Variants in KDELR2 observed in about 807,000 individuals in gnomAD.
KDELR2 encodes KDEL endoplasmic reticulum protein retention receptor 2, also known as ER lumen protein-retaining receptor 2.
Under a neutral mutation model 23.9 loss-of-function variants are expected in KDELR2, and 15 were observed. The observed-to-expected ratio is 0.63, with a 90% CI of 0.42 to 0.97. The LOEUF is 0.97. Among genes scored for constraint, KDELR2 ranks in the 50% least tolerant of loss-of-function variants. KDELR2 has a pLI of 0.00. For missense variants in KDELR2, 272 were observed against 254.6 expected (o/e 1.07, Z -0.46); for synonymous variants, 119 against 106.2 (o/e 1.12, Z -0.74).
chr7:6,471,970 G>A (rs763086875), intron 2 of KDELR2, among the ~76,000 whole-genome samples: 5 of 151,326 alleles, frequency 3.3e-5, no homozygotes, highest in African/African-American at 7.3e-5. Flanking sequence ...GAGCAATCTC[G>A]GCTCACTGCA....
At chr7:6,463,587 A>T (rs531446734) in intron 4 of KDELR2, among the ~76,000 whole-genome samples, 3 of 151,976 alleles carry the variant, frequency 2.0e-5, no homozygotes, top group Admixed American at 2.0e-4. Flanking sequence ...AAAAAATTTT[A>T]AAAAGAACCA....
In KDELR2 at chr7:6,462,377, C is replaced by G. The variant is rs183372691; in HGVS notation, c.*764G>C. 2 of 152,852 alleles carry G rather than the reference C, an allele frequency of 1.3e-5. No homozygotes were observed. Among genetic ancestry groups the G allele is most frequent in the South Asian group, 2.1e-4 (1 of 4,838 alleles). The allele number at this position is 152,852 out of a possible 1,614,324, so 9.5% of individuals were successfully genotyped here. ...TCATGAACACCCCTCCCATCCCACA[C>G]TCAGATGGAAAGCAGCCAGAACCCC... On this transcript the variant is annotated 3_prime_UTR_variant, in exon 5 of 5. Coordinates refer to ENST00000258739, the MANE Select transcript of KDELR2 (RefSeq NM_006854.4).
chr7:6,476,040 G>T (rs949075790), intron 1 of KDELR2, among the ~76,000 whole-genome samples: 4 of 152,094 alleles, frequency 2.6e-5, no homozygotes, highest in Non-Finnish European at 4.4e-5. Context: ...AGCCTCCTGA[G>T]TAGCTGGGAC....
In KDELR2 at chr7:6,462,970, AC is replaced by A; in HGVS notation, c.*170del. ...AAAAAGATAAGGCAAGATGCATTAAACAGAAACCTTCTGGCTCTTTTCCTCT... is the reference window on the plus strand; with the variant it reads ...AAAAAGATAAGGCAAGATGCATTAAAAGAAACCTTCTGGCTCTTTTCCTCT... On this transcript the variant is annotated 3_prime_UTR_variant, in exon 5 of 5. Coordinates refer to ENST00000258739, the MANE Select transcript of KDELR2 (RefSeq NM_006854.4). 6 of 1,613,038 alleles carry A rather than the reference AC, an allele frequency of 3.7e-6. No individual in the cohort carries two copies. The highest frequency in any genetic ancestry group is 5.1e-6 in the Non-Finnish European group (6 of 1,179,620).
At chr7:6,469,857 T>C (rs953130708) in intron 2 of KDELR2, 103 bp from the exon 3 acceptor site, 1 of 1,006,114 alleles carries the variant, frequency 9.9e-7, no homozygotes, top group South Asian at 2.0e-5. Flanking sequence ...AAGATTTTTT[T>C]CCTTAGCTTT....
chr7:6,465,965 T>C, intron 4 of KDELR2, 106 bp downstream of exon 4: 1 of 1,193,942 alleles, frequency 8.4e-7, no homozygotes, highest in Non-Finnish European at 1.2e-6. Flanking sequence ...AAAGTGTTTC[T>C]CTGGAGCCAG....
chr7:6,465,791 C>CTGTGTA (rs1398216417), intron 4 of KDELR2, among the ~76,000 whole-genome samples: 1 of 152,042 alleles, frequency 6.6e-6, no homozygotes, highest in Non-Finnish European at 1.5e-5. Context: ...AGTCATGTGT[C>CTGTGTA]TGTGTATGCA....
At chr7:6,466,752 C>T (rs1040895842) in intron 3 of KDELR2, among the ~76,000 whole-genome samples, 26 of 151,762 alleles carry the variant, frequency 1.7e-4, no homozygotes, top group Non-Finnish European at 3.4e-4. Context: ...ATTAGATTTT[C>T]ATAAGGAGCA....
intron 2 of KDELR2, among the ~76,000 whole-genome samples, chr7:6,473,490 G>C (rs1305649190): frequency 6.6e-6 from 1 of 152,092 alleles, no homozygotes. Flanking sequence ...CAAAGTGTTA[G>C]GTGGTGTGCA....
rs764250287 is a variant in KDELR2, at chr7:6,484,001, C to T, written c.57G>A (p.Leu19=). The stretch of plus-strand genomic sequence containing the variant: ...AGCGCGTCTTCCAGATCTTCAGCAG[C>T]AGGATGACGATGGCCGCCAGGTGGG... ...DLSHLAAIVI[L]LLKIWKTRSC... The change falls in exon 1 of 5, where the codon CTG becomes CTA. Residue 19 remains leucine (L), a synonymous_variant. Transcript: ENST00000258739. The T allele has an allele frequency of 2.6e-6, 4 of 1,531,746 alleles. 1 individual carries two copies. The South Asian group carries it at 3.5e-5, about 14-fold the overall frequency. The allele number at this position is 1,531,746 out of a possible 1,614,324, so 94.9% of individuals were successfully genotyped here.
intron 2 of KDELR2, among the ~76,000 whole-genome samples, chr7:6,473,082 A>ATT (rs1206035683): frequency 0.51 from 48,001 of 94,660 alleles, 13,692 homozygotes; most frequent in Middle Eastern, 0.61. Context: ...TAATTTTTGT[A>ATT]TTTTTTTTTT....
chr7:6,461,979 C>G lies in KDELR2; in HGVS notation c.*1162G>C, dbSNP rs1028270336. 6.6e-6 allele frequency: 1 copy of G among 151,998 alleles called. No homozygotes were observed. The highest frequency in any genetic ancestry group is 1.5e-5 in the Non-Finnish European group (1 of 68,016). The allele number at this position is 151,998 out of a possible 1,614,324, so 9.4% of individuals were successfully genotyped here. ...TGCCAATTGAAAAACAAAAAAATCC[C>G]AACACAGGATGTTCAAAAAGCCTAA... is the stretch of plus-strand genomic sequence containing the variant. On this transcript the variant is annotated 3_prime_UTR_variant, in exon 5 of 5. Coordinates refer to ENST00000258739, the MANE Select transcript of KDELR2 (RefSeq NM_006854.4).
At position 6,469,688 on chromosome 7, in the gene KDELR2, C is replaced by T. The variant is rs753480614; in HGVS notation, c.259G>A (p.Asp87Asn). 151 of 1,613,954 alleles carry T rather than the reference C, an allele frequency of 9.4e-5. No homozygotes were observed. The highest frequency in any genetic ancestry group is 1.2e-4 in the Non-Finnish European group (140 of 1,179,966). ...LIYLKFKATY[D>N]GNHDTFRVEF... is the part of the protein sequence containing the mutation. ...ACTCGGAAGGTATCATGATTTCCAT[C>T]GTAGGTTGCCTTAAATTTCAGGTAG... is the stretch of plus-strand genomic sequence containing the variant. The change falls in exon 3 of 5, where the codon GAT becomes AAT. Residue 87 changes from aspartate (D) to asparagine (N), a missense_variant. By Grantham distance (23) the Asp-to-Asn change is conservative (BLOSUM62 1). Transcript: ENST00000258739.
intron 4 of KDELR2, 28 bp downstream of exon 4, chr7:6,466,043 G>T: frequency 6.2e-7 from 1 of 1,609,488 alleles, no homozygotes. Context: ...CGTCACTCTA[G>T]AAACAACGCA....
rs577934351 is a variant in KDELR2 at position 6,463,482 on chromosome 7, G to A, written c.605-307C>T. On this transcript the variant is annotated intron_variant, in intron 4 of 4. Coordinates refer to ENST00000258739, the MANE Select transcript of KDELR2 (RefSeq NM_006854.4). Reference sequence around the variant, plus strand: ...GCAGTGGCTCATGCCTGTAATCCCAGTACTTTGGCAGGCCAGGGTGGGAGG... The same window carrying A: ...GCAGTGGCTCATGCCTGTAATCCCAATACTTTGGCAGGCCAGGGTGGGAGG... 2.0e-5 allele frequency among the ~76,000 whole-genome samples: 3 copies of A among 152,182 alleles called. No homozygotes were observed. In the East Asian group the frequency reaches 5.8e-4, roughly 29 times the overall value.
chr7:6,482,349 G>T, intron 1 of KDELR2: 1 of 253,118 alleles, frequency 4.0e-6, no homozygotes. Flanking sequence ...TAAAGCACTC[G>T]GCTGACTACT....
chr7:6,462,802 AT>A lies in KDELR2; in HGVS notation c.*338del, dbSNP rs1157638470. The A allele has an allele frequency of 3.6e-6, 2 of 555,504 alleles. No homozygotes were observed. The highest frequency in any genetic ancestry group is 6.1e-6 in the Non-Finnish European group (2 of 326,034). 34.4% of individuals were successfully genotyped at this position (555,504 alleles called of 1,614,324 possible). ...CACAAAGACTTAAGAGTTTCAAAGA[AT>A]TTTTTAAAATAAAAAAAAAATTTGC... On this transcript the variant is annotated 3_prime_UTR_variant, in exon 5 of 5. Coordinates refer to ENST00000258739, the MANE Select transcript of KDELR2 (RefSeq NM_006854.4).
intron 2 of KDELR2, among the ~76,000 whole-genome samples, chr7:6,470,675 T>G (rs927263753): frequency 6.6e-6 from 1 of 152,236 alleles, no homozygotes; most frequent in Admixed American, 6.5e-5. Context: ...TTGAACTTTA[T>G]GGTAGTAGGA....
chr7:6,478,850 GC>G (rs1458770961), intron 1 of KDELR2, among the ~76,000 whole-genome samples: 1 of 152,028 alleles, frequency 6.6e-6, no homozygotes, highest in Non-Finnish European at 1.5e-5. Context: ...GTGCAGTGGT[GC>G]GATCTCGGCT....
Sources: gnomAD v4.1 joint callset for allele counts (sites outside exome capture counted in the v4.1 genomes callset) on GRCh38, gnomAD v4.1.1 for gene constraint, MANE v1.5 for transcripts, NCBI Gene and HGNC (gene_info 2026-07-23, HGNC 2026-07-21) for gene names.